The following SIDT2 variants were observed in gnomAD, a reference collection of about 807,000 sequenced individuals.
The protein encoded by SIDT2 is SID1 transmembrane family member 2.
SIDT2 carries 68 observed loss-of-function variants against 114.4 expected under a neutral mutation model. The ratio of observed to expected loss-of-function variants is 0.59; its 90% confidence interval spans 0.49 to 0.73. The LOEUF (loss-of-function observed/expected upper bound fraction) is 0.73, where lower values mean the gene tolerates loss of function less well. Among genes scored for constraint, SIDT2 ranks in the 30% least tolerant of loss-of-function variants. The pLI is 0.00. For missense variants in SIDT2, 918 were observed against 1,097.1 expected, an observed-to-expected ratio of 0.84 and a Z score of 2.31; for synonymous variants, 470 against 438.4, an observed-to-expected ratio of 1.07 and a Z score of -0.90.
At position 117,187,685 on chromosome 11, in the gene SIDT2, C is replaced by T. The variant is rs761595296; in HGVS notation, c.1145C>T (p.Ser382Phe). The change falls in exon 12 of 26, where the codon TCT (serine) becomes TTT (phenylalanine). Residue 382 changes from serine (S) to phenylalanine (F), a missense_variant. Physicochemically the swap from Ser to Phe is radical, Grantham distance 155. Around this residue, in one of 4 missense-constraint regions of SIDT2, gnomAD observed 553 missense variants for 600.1 expected, o/e 0.92. Coordinates refer to ENST00000324225, the MANE Select transcript of SIDT2 (RefSeq NM_001040455.2). ...LVDSAGTGDL[S>F]YGYQGRSFEP... ...GACAGCGCTGGCACTGGGGACCTCT[C>T]TTACGGTTACCAGGGTGAGTGGGCC... 6.2e-7 allele frequency: 1 copy of T among 1,613,974 alleles called. No individual in the cohort carries two copies. The highest frequency in any genetic ancestry group is 8.5e-7 in the Non-Finnish European group (1 of 1,179,992).
rs916256319 is a variant in SIDT2, at chr11:117,196,235, G to T, written c.*169G>T. 4.6e-6 allele frequency: 4 copies of T among 868,458 alleles called. No homozygotes were observed. The African/African-American group carries it at 5.1e-5, about 11-fold the overall frequency. The allele number at this position is 868,458 out of a possible 1,614,324, so 53.8% of individuals were successfully genotyped here. The stretch of plus-strand genomic sequence containing the variant: ...CTTGGCCTGGGACAGCCATGGGGTG[G>T]CATGGAACCTTGCAGCTGCCCTCTG... On this transcript the variant is annotated 3_prime_UTR_variant, in exon 26 of 26. Transcript: ENST00000324225. The surrounding 1 kb of genome is among the most constrained non-coding windows in gnomAD (Gnocchi z 4.9).
rs2030795519 is a variant in SIDT2, at chr11:117,193,913, G to T, written c.2272G>T (p.Val758Phe). 5 of 1,614,014 alleles carry T rather than the reference G, an allele frequency of 3.1e-6. No homozygotes were observed. In the Admixed American group the frequency reaches 6.7e-5, roughly 22 times the overall value. ...GCTCTGCATCGTTTGCACCTCCGTG[G>T]TCTGGGGCTTCGCGCTCTTCTTCTT... ...PLLCIVCTSV[V>F]WGFALFFFFQ... The change falls in exon 24 of 26, where the codon GTC (valine) becomes TTC (phenylalanine). Residue 758 changes from valine to phenylalanine, a missense_variant. Val to Phe is a conservative substitution (Grantham distance 50). Transcript: ENST00000324225.
At chr11:117,187,486 A>G (rs374495832) in intron 11 of SIDT2, 37 bp downstream of exon 11, 7 of 1,610,552 alleles carry the variant, frequency 4.3e-6, no homozygotes, top group South Asian at 2.2e-5. Context: ...TGCTGGGGAC[A>G]TGACCTTGTC....
intron 1 of SIDT2, among the ~76,000 whole-genome samples, chr11:117,180,959 T>C (rs999443153): frequency 2.0e-5 from 3 of 152,222 alleles, no homozygotes; most frequent in South Asian, 2.1e-4. Flanking sequence ...CTCTGGGCTC[T>C]GGCCCCAGGT....
chr11:117,187,511 C>A (rs2030543093), intron 11 of SIDT2, 62 bp downstream of exon 11: 1 of 1,600,792 alleles, frequency 6.2e-7, no homozygotes, highest in African/African-American at 1.3e-5. Flanking sequence ...TAGGCCACCA[C>A]CTCCGAGGCG....
chr11:117,186,260 G>A, intron 9 of SIDT2, 37 bp downstream of exon 9: 1 of 1,584,584 alleles, frequency 6.3e-7, no homozygotes, highest in Non-Finnish European at 8.7e-7. Flanking sequence ...TGGTCTGGGT[G>A]GTTTGGGCAG....
Position 117,193,890 on chromosome 11 carries a change from T to C in SIDT2, c.2249T>C (p.Leu750Pro), listed in dbSNP as rs759516268. ...SGERIKLIPL[L>P]CIVCTSVVWG... ...GAGAGGATCAAGCTCATCCCCCTGC[T>C]CTGCATCGTTTGCACCTCCGTGGTC... The change falls in exon 24 of 26, where the codon CTC (leucine) becomes CCC (proline). Residue 750 changes from leucine to proline, a missense_variant. Physicochemically the swap from Leu to Pro is moderately conservative, Grantham distance 98. This residue lies in a region of SIDT2 where 275 missense variants were observed against 397.6 expected (regional missense o/e 0.69). Transcript: ENST00000324225. 4 of 1,614,140 alleles carry C rather than the reference T, an allele frequency of 2.5e-6. No individual in the cohort carries two copies. Among genetic ancestry groups the C allele is most frequent in the Non-Finnish European group, 3.4e-6 (4 of 1,180,024 alleles).
chr11:117,189,796 T>C, intron 15 of SIDT2, 156 bp from the exon 16 acceptor site: 1 of 677,980 alleles, frequency 1.5e-6, no homozygotes, highest in South Asian at 1.7e-5. Context: ...ATGGCATCCA[T>C]GTTCTCAGAA....
intron 15 of SIDT2, chr11:117,189,634 T>G: frequency 1.7e-6 from 1 of 605,546 alleles, no homozygotes; most frequent in Non-Finnish European, 2.9e-6. Context: ...CCTCCCTGGT[T>G]TCTTGTGCGG....
intron 25 of SIDT2, 30 bp downstream of exon 25, chr11:117,195,945 G>A (rs374519553): frequency 1.4e-5 from 23 of 1,614,106 alleles, no homozygotes; most frequent in Admixed American, 1.2e-4. Context: ...GAGCCGGGTG[G>A]GTACGTGAAG....
Position 117,181,690 on chromosome 11 carries a change from G to T in SIDT2, c.306-117G>T. 9.5e-6 allele frequency: 15 copies of T among 1,571,172 alleles called. No individual in the cohort carries two copies. In the South Asian group the frequency reaches 1.7e-4, roughly 18 times the overall value. On this transcript the variant is annotated intron_variant, in intron 2 of 25. Coordinates refer to ENST00000324225, the MANE Select transcript of SIDT2 (RefSeq NM_001040455.2). ...GCCGAGTCCCACCAGCCGGGAGCTT[G>T]TGCACCTCGCAGGGAGGTGGTGGAG...
rs760024217 is a variant in SIDT2, at chr11:117,188,766, G to A, written c.1218G>A (p.Glu406=). The change falls in exon 13 of 26, where the codon GAG becomes GAA. Residue 406 remains glutamate (E), a synonymous_variant. Coordinates refer to ENST00000324225, the MANE Select transcript of SIDT2 (RefSeq NM_001040455.2). This position sits in a 1 kb window ranked among gnomAD's most constrained non-coding sequence, Gnocchi z 4.0. The part of the protein sequence containing the change: ...RPRVDSMSSV[E]EDDYDTLTDI... Reference sequence around the variant, plus strand: ...GAGTGGACTCCATGAGCTCTGTGGAGGAGGATGACTACGACACATTGACCG... The same window carrying A: ...GAGTGGACTCCATGAGCTCTGTGGAAGAGGATGACTACGACACATTGACCG... The A allele has an allele frequency of 1.2e-6, 2 of 1,614,204 alleles. No individual in the cohort carries two copies. Among genetic ancestry groups the A allele is most frequent in the Non-Finnish European group, 1.7e-6 (2 of 1,180,024 alleles).
At position 117,192,933 on chromosome 11, in the gene SIDT2, C is replaced by T. The variant is rs941065919; in HGVS notation, c.2105+67C>T. The T allele has an allele frequency of 2.5e-6, 4 of 1,592,538 alleles. No homozygotes were observed. Among genetic ancestry groups the T allele is most frequent in the Non-Finnish European group, 2.6e-6 (3 of 1,160,504 alleles). ...TGGGGACTCGGTCAGCCACTGGCTG[C>T]CTTGGGGGCTAAGGACAACTTCCAA... On this transcript the variant is annotated intron_variant, in intron 22 of 25. Transcript: ENST00000324225. This position sits in a 1 kb window ranked among gnomAD's most constrained non-coding sequence, Gnocchi z 5.9.
rs766391629 is a variant in SIDT2, at chr11:117,193,142, C to T, written c.2106-11C>T. The T allele has an allele frequency of 1.2e-6, 2 of 1,614,036 alleles. No individual in the cohort carries two copies. The highest frequency in any genetic ancestry group is 3.3e-4 in the Middle Eastern group (2 of 6,062). On this transcript the variant is annotated splice_polypyrimidine_tract_variant and intron_variant, in intron 22 of 25. Coordinates refer to ENST00000324225, the MANE Select transcript of SIDT2 (RefSeq NM_001040455.2). ...GCTTCCTGCTTCACCACCCTTCATC[C>T]CTCTTGCCAGGGCTGCCTATGGGCT...
intron 23 of SIDT2, 105 bp from the exon 24 acceptor site, chr11:117,193,748 G>T: frequency 3.9e-6 from 3 of 775,824 alleles, no homozygotes; most frequent in Non-Finnish European, 6.6e-6. Flanking sequence ...AGTCCTGAAG[G>T]CCTGGGAGGC....
rs112614005 is a variant in SIDT2 at position 117,188,147 on chromosome 11, C to T, written c.1159+448C>T. ...TGGCTGGCGGGCTGGCGCCTCCGCT[C>T]TCTCCAGGCTGGACAATCTAGTTTA... On this transcript the variant is annotated intron_variant, in intron 12 of 25. Transcript: ENST00000324225. The surrounding 1 kb of genome is among the most constrained non-coding windows in gnomAD (Gnocchi z 4.0). 1 of 374,874 alleles carries T rather than the reference C, an allele frequency of 2.7e-6. No homozygotes were observed. 23.2% of individuals were successfully genotyped at this position (374,874 alleles called of 1,614,324 possible).
In SIDT2 at chr11:117,183,779, C is replaced by T. The variant is rs568864021; in HGVS notation, c.703C>T (p.Arg235Cys). 2.2e-5 allele frequency: 35 copies of T among 1,608,454 alleles called. No individual in the cohort carries two copies. In the South Asian group the frequency reaches 2.2e-4, roughly 10 times the overall value. The change falls in exon 7 of 26, where the codon CGC becomes TGC. Residue 235 changes from arginine (R) to cysteine (C), a missense_variant and splice_region_variant. Around this residue, in one of 4 missense-constraint regions of SIDT2, gnomAD observed 553 missense variants for 600.1 expected, o/e 0.92. Transcript: ENST00000324225. ...GATATTTATCATCATCATCCTGCAG[C>T]GCAAAGACTTCCCCAGCAACAGCTT... Reference protein sequence around the residue: ...MTKKAAITVQRKDFPSNSFYV... With the variant: ...MTKKAAITVQCKDFPSNSFYV...
chr11:117,190,355 G>T lies in SIDT2; in HGVS notation c.1617+66G>T. On this transcript the variant is annotated intron_variant, in intron 17 of 25. Transcript: ENST00000324225. This position sits in a 1 kb window ranked among gnomAD's most constrained non-coding sequence, Gnocchi z 4.1. Reference sequence around the variant, plus strand: ...GCACAGACCTCAAGCCTTGGCTCCAGGACACCCTTTTGGGCAGGCCTGGCC... The same window carrying T: ...GCACAGACCTCAAGCCTTGGCTCCATGACACCCTTTTGGGCAGGCCTGGCC... The T allele has an allele frequency of 6.6e-7, 1 of 1,517,012 alleles. No individual in the cohort carries two copies. The highest frequency in any genetic ancestry group is 8.8e-7 in the Non-Finnish European group (1 of 1,134,522). The allele number at this position is 1,517,012 out of a possible 1,614,324, so 94.0% of individuals were successfully genotyped here.
At position 117,190,128 on chromosome 11, in the gene SIDT2, TGA is replaced by T; in HGVS notation, c.1494-36_1494-35del. ...GTGGGCTAGGGAAGAGGCCTGGGTG[TGA>T]GTCCCAAGCAGTCTGCCTTGTGTTG... On this transcript the variant is annotated intron_variant, in intron 16 of 25. Transcript: ENST00000324225. The surrounding 1 kb of genome is among the most constrained non-coding windows in gnomAD (Gnocchi z 4.1). The T allele has an allele frequency of 1.2e-6, 2 of 1,607,526 alleles. No individual in the cohort carries two copies. Among genetic ancestry groups the T allele is most frequent in the Non-Finnish European group, 1.7e-6 (2 of 1,176,200 alleles).
Sources: allele counts gnomAD v4.1 joint callset (sites outside exome capture counted in the v4.1 genomes callset), GRCh38; gene constraint gnomAD v4.1.1; regional missense constraint gnomAD v4.1.1; non-coding constraint Gnocchi (gnomAD v3.1); transcripts MANE v1.5; gene names NCBI Gene and HGNC (gene_info 2026-07-23, HGNC 2026-07-21).